Variants in EPHA6 observed in about 807,000 individuals in gnomAD.
EPHA6 encodes the protein ephrin type-A receptor 6.
In EPHA6, 50 loss-of-function variants were observed where a neutral mutation model predicts 112.0. The ratio of observed to expected loss-of-function variants is 0.45; its 90% CI spans 0.36 to 0.56. EPHA6 has a LOEUF of 0.56. Ranked by LOEUF, EPHA6 falls within the 20% of genes least tolerant of loss-of-function variation. The pLI is 0.00. For missense variants in EPHA6, 1,280 were observed against 1,417.4 expected, an observed-to-expected ratio of 0.90 and a Z score of 1.56; for synonymous variants, 529 against 490.7, an observed-to-expected ratio of 1.08 and a Z score of -1.03.
chr3:96,858,785 G>C (rs2035843889), intron 1 of EPHA6, among the ~76,000 whole-genome samples: 2 of 152,230 alleles, frequency 1.3e-5, no homozygotes, highest in East Asian at 3.9e-4. Flanking sequence ...TGAGCAGTCT[G>C]AGGGCAGTCA....
chr3:97,504,266 C>A lies in EPHA6; in HGVS notation c.2200+20207C>A, dbSNP rs906599713. ...TCTCAGGACCAAGAGAATTAAGGAG[C>A]CTGGACACAAAGGCTAAGGTTGGAG... On this transcript the variant is annotated intron_variant, in intron 10 of 17. Transcript: ENST00000389672. Among the ~76,000 whole-genome samples the A allele has an allele frequency of 4.6e-5, 7 of 152,064 alleles. No individual in the cohort carries two copies. In the South Asian group the frequency reaches 1.2e-3, roughly 27 times the overall value.
At chr3:97,340,695 G>T (rs979120297) in intron 5 of EPHA6, among the ~76,000 whole-genome samples, 8 of 152,070 alleles carry the variant, frequency 5.3e-5, no homozygotes, top group Non-Finnish European at 1.2e-4. Context: ...TTCTGTTAAG[G>T]CCTCTCTTTC....
At chr3:97,737,433 T>G (rs965507958) in intron 16 of EPHA6, among the ~76,000 whole-genome samples, 1 of 152,030 alleles carries the variant, frequency 6.6e-6, no homozygotes, top group Non-Finnish European at 1.5e-5. Flanking sequence ...GAGAATTTTA[T>G]TATTATTATC....
chr3:97,234,414 C>T (rs968657545), intron 4 of EPHA6, among the ~76,000 whole-genome samples: 2 of 152,082 alleles, frequency 1.3e-5, no homozygotes, highest in South Asian at 2.1e-4. Context: ...TTTTAATTTG[C>T]TTTTTACTCT....
In EPHA6 at chr3:97,328,052, C is replaced by CATATAT. The variant is rs1490094035; in HGVS notation, c.1607-77097_1607-77096insTATATA. Reference sequence around the variant, plus strand: ...ATGTGTATATATACACACATATATACACATATATATATATATATATATATA... The same window carrying CATATAT: ...ATGTGTATATATACACACATATATACATATATACATATATATATATATATATATATA... On this transcript the variant is annotated intron_variant, in intron 5 of 17. Coordinates refer to ENST00000389672, the MANE Select transcript of EPHA6 (RefSeq NM_001080448.3). 1.8e-4 allele frequency among the ~76,000 whole-genome samples: 10 copies of CATATAT among 56,992 alleles called. 1 individual carries two copies. The highest frequency in any genetic ancestry group is 8.6e-4 in the African/African-American group (10 of 11,634). 37.4% of individuals were successfully genotyped at this position (56,992 alleles called of 152,430 possible).
chr3:97,149,823 A>C (rs921411096), intron 3 of EPHA6, among the ~76,000 whole-genome samples: 1 of 150,308 alleles, frequency 6.7e-6, no homozygotes, highest in African/African-American at 2.4e-5. Context: ...CCTAATTTTT[A>C]AAGAGTATGT....
At chr3:97,174,031 TC>T (rs2108434470) in intron 3 of EPHA6, among the ~76,000 whole-genome samples, 1 of 151,626 alleles carries the variant, frequency 6.6e-6, no homozygotes, top group African/African-American at 2.4e-5. Flanking sequence ...TCCCCCCCAG[TC>T]CCCCACTACC....
chr3:97,149,016 T>G (rs2076107743), intron 3 of EPHA6, among the ~76,000 whole-genome samples: 1 of 152,092 alleles, frequency 6.6e-6, no homozygotes, highest in Admixed American at 6.6e-5. Flanking sequence ...TTCTTTTCAT[T>G]TTTATCTCAC....
At chr3:97,429,764 C>A (rs1255362584) in intron 6 of EPHA6, among the ~76,000 whole-genome samples, 2 of 152,122 alleles carry the variant, frequency 1.3e-5, no homozygotes, top group Non-Finnish European at 2.9e-5. Flanking sequence ...GATAGAATAA[C>A]TTTTATAAAA....
chr3:97,596,914 A>G (rs1485610858), intron 12 of EPHA6, among the ~76,000 whole-genome samples: 1 of 142,256 alleles, frequency 7.0e-6, no homozygotes, highest in Non-Finnish European at 1.5e-5. Flanking sequence ...ATGTATGTAT[A>G]TATGCCAGAT....
chr3:97,554,252 C>A (rs895514613), intron 11 of EPHA6, among the ~76,000 whole-genome samples: 2 of 151,876 alleles, frequency 1.3e-5, no homozygotes, highest in Non-Finnish European at 2.9e-5. Flanking sequence ...AAGGTAAAAT[C>A]TGATTATCCT....
intron 3 of EPHA6, among the ~76,000 whole-genome samples, chr3:97,083,144 G>A (rs1028113647): frequency 3.3e-5 from 5 of 151,860 alleles, no homozygotes; most frequent in African/African-American, 1.2e-4. Flanking sequence ...ATTTTAACAA[G>A]TGTCTTTTGT....
At chr3:96,905,137 A>G (rs1318671398) in intron 2 of EPHA6, among the ~76,000 whole-genome samples, 1 of 152,122 alleles carries the variant, frequency 6.6e-6, no homozygotes, top group Non-Finnish European at 1.5e-5. Flanking sequence ...TAAGAGAACT[A>G]AGAAAAATGG....
rs149904077 is a variant in EPHA6, at chr3:97,077,926, G to A, written c.1114+89933G>A. ...ATATACCCAGTAATGGGATTGCTGG[G>A]CCAAATGGTATTTCTACCTCTAGAT... On this transcript the variant is annotated intron_variant, in intron 3 of 17. Transcript: ENST00000389672. Among the ~76,000 whole-genome samples, 29 of 152,290 alleles carry A rather than the reference G, an allele frequency of 1.9e-4. No individual in the cohort carries two copies. The East Asian group carries it at 5.4e-3, about 28-fold the overall frequency.
At chr3:97,065,096 T>G (rs1003917072) in intron 3 of EPHA6, among the ~76,000 whole-genome samples, 7 of 152,160 alleles carry the variant, frequency 4.6e-5, no homozygotes, top group Admixed American at 2.0e-4. Context: ...ACTGTCAAAA[T>G]TCTTTGAACT....
chr3:97,527,774 G>A (rs1453890453), intron 10 of EPHA6, among the ~76,000 whole-genome samples: 1 of 152,122 alleles, frequency 6.6e-6, no homozygotes, highest in Admixed American at 6.6e-5. Context: ...GATGTGATTG[G>A]CTTGTTTGAG....
Position 97,582,033 on chromosome 3 carries a change from T to G in EPHA6, c.2387-10579T>G, listed in dbSNP as rs527606850. Among the ~76,000 whole-genome samples the G allele has an allele frequency of 1.6e-4, 24 of 152,302 alleles. 1 individual carries two copies. The East Asian group carries it at 4.4e-3, about 28-fold the overall frequency. On this transcript the variant is annotated intron_variant, in intron 11 of 17. Coordinates refer to ENST00000389672, the MANE Select transcript of EPHA6 (RefSeq NM_001080448.3). ...ATTTTTATTTTTATTTCATTTTATT[T>G]TTTTTTTGAGACAGAGTTTTGCTCT...
chr3:97,729,329 G>C (rs2034927346), intron 15 of EPHA6, among the ~76,000 whole-genome samples: 1 of 152,080 alleles, frequency 6.6e-6, no homozygotes, highest in Non-Finnish European at 1.5e-5. Flanking sequence ...CAGAGACTGG[G>C]TAATTTATAA....
intron 3 of EPHA6, among the ~76,000 whole-genome samples, chr3:97,219,381 A>T (rs1024168835): frequency 2.6e-5 from 4 of 152,202 alleles, no homozygotes; most frequent in African/African-American, 9.7e-5. Context: ...ATATTATAAT[A>T]AATGTTAATC....
Sources: gnomAD v4.1 joint callset for allele counts (sites outside exome capture counted in the v4.1 genomes callset) on GRCh38, gnomAD v4.1.1 for gene constraint, MANE v1.5 for transcripts, NCBI Gene and HGNC (gene_info 2026-07-23, HGNC 2026-07-21) for gene names.